OR51B5: variants seen among roughly 807,000 people sequenced by gnomAD.
OR51B5 encodes olfactory receptor family 51 subfamily B member 5, also known as olfactory receptor 51B5.
For synonymous variants in OR51B5, 186 were observed against 144.8 expected (o/e 1.28, Z -2.04); for missense variants, 456 against 374.6 (o/e 1.22, Z -1.79).
intron 1 of OR51B5, among the ~76,000 whole-genome samples, chr11:5,428,787 A>G (rs545831884): frequency 6.6e-6 from 1 of 152,346 alleles, no homozygotes; most frequent in African/African-American, 2.4e-5. Flanking sequence ...AAGGACCATC[A>G]TAGTCCCTCC....
intron 1 of OR51B5, chr11:5,489,425 C>A: frequency 1.2e-6 from 2 of 1,613,870 alleles, no homozygotes; most frequent in Non-Finnish European, 1.7e-6. Flanking sequence ...CAGCACAAAG[C>A]TCTGAGTACC....
At chr11:5,453,349 G>C (rs1850886181) in intron 1 of OR51B5, 1 of 524,164 alleles carries the variant, frequency 1.9e-6, no homozygotes, top group Non-Finnish European at 3.2e-6. Flanking sequence ...GTGATTTCAT[G>C]AATGCGTCAG....
chr11:5,415,375 C>G (rs1175992707), intron 1 of OR51B5, among the ~76,000 whole-genome samples: 3 of 150,794 alleles, frequency 2.0e-5, no homozygotes, highest in Non-Finnish European at 3.0e-5. Context: ...ACTAGAAAAG[C>G]AAGAGCAAAC....
chr11:5,433,680 A>C (rs1850560771), intron 1 of OR51B5, among the ~76,000 whole-genome samples: 1 of 152,164 alleles, frequency 6.6e-6, no homozygotes, highest in Non-Finnish European at 1.5e-5. Flanking sequence ...TAAAAATTAA[A>C]AAATTAGCTG....
intron 1 of OR51B5, among the ~76,000 whole-genome samples, chr11:5,427,177 G>A (rs1297105016): frequency 2.0e-5 from 2 of 100,622 alleles, no homozygotes; most frequent in Non-Finnish European, 5.4e-5. Flanking sequence ...TATACCGACC[G>A]TCCAACCTTT....
intron 1 of OR51B5, among the ~76,000 whole-genome samples, chr11:5,462,892 G>C (rs191104460): frequency 6.6e-6 from 1 of 152,180 alleles, no homozygotes; most frequent in African/African-American, 2.4e-5. Context: ...TACAGTGTAT[G>C]AAGTCATCAG....
intron 1 of OR51B5, among the ~76,000 whole-genome samples, chr11:5,358,373 A>C (rs1849226977): frequency 6.6e-6 from 1 of 152,248 alleles, no homozygotes; most frequent in Admixed American, 6.5e-5. Flanking sequence ...ACCTCTACAC[A>C]AATAAACTAG....
At chr11:5,392,854 G>T (rs1202879747) in intron 1 of OR51B5, 1 of 152,142 alleles carries the variant, frequency 6.6e-6, no homozygotes, top group African/African-American at 2.4e-5. Context: ...GGAGCTTGCA[G>T]TGAGCCGAGA....
chr11:5,372,394 CAA>C (rs1294197260), intron 1 of OR51B5, among the ~76,000 whole-genome samples: 1 of 152,186 alleles, frequency 6.6e-6, no homozygotes, highest in African/African-American at 2.4e-5. Flanking sequence ...CAGCTATGCA[CAA>C]GAGTTCTCCT....
At chr11:5,502,648 A>G (rs1199429211) in intron 1 of OR51B5, among the ~76,000 whole-genome samples, 1 of 152,240 alleles carries the variant, frequency 6.6e-6, no homozygotes, top group East Asian at 1.9e-4. Flanking sequence ...TTCCAACTCC[A>G]GCTCAACCAT....
At chr11:5,421,810 A>G (rs1564808047) in intron 1 of OR51B5, among the ~76,000 whole-genome samples, 1 of 152,254 alleles carries the variant, frequency 6.6e-6, no homozygotes, top group Non-Finnish European at 1.5e-5. Context: ...TAAAGATTGA[A>G]TATTAAGCAT....
intron 1 of OR51B5, among the ~76,000 whole-genome samples, chr11:5,359,657 T>C (rs753141056): frequency 1.7e-4 from 25 of 149,928 alleles, no homozygotes; most frequent in Non-Finnish European, 1.6e-4. Context: ...AAAGTTCATA[T>C]GGAACCAAAA....
At chr11:5,477,754 C>CG (rs1554896119) in intron 1 of OR51B5, among the ~76,000 whole-genome samples, 1 of 152,100 alleles carries the variant, frequency 6.6e-6, no homozygotes, top group African/African-American at 2.4e-5. Flanking sequence ...GGGTGACGGA[C>CG]GCACCTGGAA....
chr11:5,341,736 C>T (rs1173028236), downstream of OR51B5, among the ~76,000 whole-genome samples: 5 of 152,008 alleles, frequency 3.3e-5, no homozygotes, highest in Non-Finnish European at 5.9e-5. Flanking sequence ...AGACCTTTTT[C>T]ATAGCAAAAG....
chr11:5,477,576 A>G (rs969236118), intron 1 of OR51B5, among the ~76,000 whole-genome samples: 27 of 152,266 alleles, frequency 1.8e-4, no homozygotes, highest in Middle Eastern at 3.4e-3. Flanking sequence ...AAGACGGGTG[A>G]TTTCTGCATT....
intron 1 of OR51B5, among the ~76,000 whole-genome samples, chr11:5,486,930 A>T (rs1851507402): frequency 6.6e-6 from 1 of 152,210 alleles, no homozygotes. Flanking sequence ...TCTCAATGCA[A>T]ATAAAGGGGA....
intron 1 of OR51B5, among the ~76,000 whole-genome samples, chr11:5,386,203 A>G (rs1292571239): frequency 6.6e-6 from 1 of 152,134 alleles, no homozygotes; most frequent in East Asian, 1.9e-4. Flanking sequence ...TAAAAACAAG[A>G]AAAGTATGTG....
chr11:5,472,869 C>G (rs1394186045), intron 1 of OR51B5, among the ~76,000 whole-genome samples: 1 of 152,156 alleles, frequency 6.6e-6, no homozygotes, highest in Non-Finnish European at 1.5e-5. Context: ...AAGGGCACAA[C>G]GGAGAGGAGC....
At chr11:5,477,868 C>T (rs1373998396) in intron 1 of OR51B5, among the ~76,000 whole-genome samples, 4 of 152,140 alleles carry the variant, frequency 2.6e-5, no homozygotes, top group Non-Finnish European at 4.4e-5. Flanking sequence ...CCTACGCCCA[C>T]GGAGTCTCCC....
Sources: gnomAD v4.1 joint callset for allele counts (sites outside exome capture counted in the v4.1 genomes callset) on GRCh38, gnomAD v4.1.1 for gene constraint, MANE v1.5 for transcripts, NCBI Gene and HGNC (gene_info 2026-07-23, HGNC 2026-07-21) for gene names.